The following LRP1B variants were observed in gnomAD, a reference collection of about 807,000 sequenced individuals.
LRP1B encodes the protein LDL receptor related protein 1B.
LRP1B carries 217 observed loss-of-function variants against 556.6 expected under a neutral mutation model. The observed-to-expected ratio is 0.39, with a 90% confidence interval of 0.35 to 0.44. LRP1B has a LOEUF of 0.44. Among genes scored for constraint, LRP1B ranks in the 20% least tolerant of loss-of-function variants. LRP1B has a pLI of 1.00. For synonymous variants in LRP1B, 2,047 were observed against 1,865.8 expected (o/e 1.10, Z -2.50); for missense variants, 5,053 against 5,620.8 (o/e 0.90, Z 3.23).
At chr2:141,088,252 A>C (rs1448668321) in intron 7 of LRP1B, among the ~76,000 whole-genome samples, 2 of 152,154 alleles carry the variant, frequency 1.3e-5, no homozygotes, top group Non-Finnish European at 2.9e-5. Context: ...ATTTCTTAGA[A>C]ATTTATTGAA....
chr2:140,422,798 G>A (rs969504401), intron 66 of LRP1B, among the ~76,000 whole-genome samples: 13 of 152,036 alleles, frequency 8.6e-5, no homozygotes, highest in African/African-American at 2.2e-4. Flanking sequence ...ACTTTAACCC[G>A]ATGACCTCCA....
intron 9 of LRP1B, among the ~76,000 whole-genome samples, chr2:141,056,936 T>A (rs2105459153): frequency 6.6e-6 from 1 of 152,040 alleles, no homozygotes. Context: ...TTTCCCCATC[T>A]AAAAAGTAAC....
rs889826856 is a variant in LRP1B at position 141,022,256 on chromosome 2, T to A, written c.1790-2154A>T. Among the ~76,000 whole-genome samples, 23 of 151,514 alleles carry A rather than the reference T, an allele frequency of 1.5e-4. No homozygotes were observed. The East Asian group carries it at 2.7e-3, about 18-fold the overall frequency. ...ACAGTAATAAAGGAATTAGCCTAGATTATTTTTTAAGGTTGTTTTCTGTTT... is the reference window on the plus strand; with the variant it reads ...ACAGTAATAAAGGAATTAGCCTAGAATATTTTTTAAGGTTGTTTTCTGTTT... On this transcript the variant is annotated intron_variant, in intron 11 of 90. Transcript: ENST00000389484.
intron 77 of LRP1B, 55 bp from the exon 78 acceptor site, chr2:140,335,893 T>C: frequency 9.0e-7 from 1 of 1,112,438 alleles, no homozygotes; most frequent in Non-Finnish European, 1.4e-6. Flanking sequence ...ATTAGCGGAG[T>C]TTTCTGTATC....
intron 7 of LRP1B, among the ~76,000 whole-genome samples, chr2:141,117,386 C>T (rs555468801): frequency 1.7e-4 from 26 of 151,512 alleles, no homozygotes; most frequent in African/African-American, 5.8e-4. Context: ...TTTAAACATG[C>T]TTTTAAATCA....
chr2:140,358,080 T>C lies in LRP1B; in HGVS notation c.11294A>G (p.Asp3765Gly). Residue 3765 changes from aspartate to glycine, a missense_variant, in exon 74 of 91, where the codon GAT (aspartate) becomes GGT (glycine). Physicochemically the swap from Asp to Gly is moderately conservative, Grantham distance 94 (BLOSUM62 -1). Transcript: ENST00000389484. ...LTYKARPCKKDEFACSNKKCI... is the reference protein window; with the variant it reads ...LTYKARPCKKGEFACSNKKCI... ...TTTTTTATTACTACAAGCAAACTCA[T>C]CCTTTTTACAAGGCCTTGCTTTATA... 4 of 1,611,366 alleles carry C rather than the reference T, an allele frequency of 2.5e-6. No homozygotes were observed. The highest frequency in any genetic ancestry group is 3.4e-6 in the Non-Finnish European group (4 of 1,178,228).
At chr2:140,320,781 G>GCCTGAA (rs1573785137) in intron 82 of LRP1B, among the ~76,000 whole-genome samples, 1 of 152,018 alleles carries the variant, frequency 6.6e-6, no homozygotes, top group East Asian at 1.9e-4. Context: ...GGGGGTTCAT[G>GCCTGAA]CCTGTAATCC....
chr2:142,031,253 T>A (rs1019637427), intron 1 of LRP1B, among the ~76,000 whole-genome samples: 22 of 151,538 alleles, frequency 1.5e-4, no homozygotes, highest in African/African-American at 5.1e-4. Context: ...ATTGGAATAG[T>A]TTGGATTCTC....
chr2:140,713,700 T>A (rs888368027), intron 37 of LRP1B, among the ~76,000 whole-genome samples: 5 of 152,108 alleles, frequency 3.3e-5, no homozygotes, highest in African/African-American at 1.2e-4. Flanking sequence ...TCCAGACACA[T>A]CACCTACTCT....
rs934345057 is a variant in LRP1B, at chr2:140,350,297, C to T, written c.11892+500G>A. Among the ~76,000 whole-genome samples the T allele has an allele frequency of 2.0e-5, 3 of 151,940 alleles. No homozygotes were observed. In the East Asian group the frequency reaches 5.8e-4, roughly 29 times the overall value. ...CAGCATACACAAGTGCACAATATTTCTGTTTTGGATATTTCCTGAAATATA... is the reference window on the plus strand; with the variant it reads ...CAGCATACACAAGTGCACAATATTTTTGTTTTGGATATTTCCTGAAATATA... On this transcript the variant is annotated intron_variant, in intron 77 of 90. Transcript: ENST00000389484.
intron 66 of LRP1B, among the ~76,000 whole-genome samples, chr2:140,423,194 G>A (rs1401205783): frequency 6.6e-6 from 1 of 152,140 alleles, no homozygotes; most frequent in Non-Finnish European, 1.5e-5. Flanking sequence ...TGTAATTGCT[G>A]TGGGTTTAAT....
chr2:140,481,915 T>G (rs1360129298), intron 59 of LRP1B, among the ~76,000 whole-genome samples: 1 of 152,142 alleles, frequency 6.6e-6, no homozygotes, highest in Non-Finnish European at 1.5e-5. Flanking sequence ...TGTCTGTTCT[T>G]TCCTAGAGAG....
rs376737501 is a variant in LRP1B, at chr2:141,254,659, A to G, written c.344-18T>C. The G allele has an allele frequency of 2.5e-5, 40 of 1,574,072 alleles. No homozygotes were observed. In the African/African-American group the frequency reaches 4.6e-4, roughly 18 times the overall value. On this transcript the variant is annotated intron_variant, in intron 3 of 90. Transcript: ENST00000389484. The stretch of plus-strand genomic sequence containing the variant: ...TAACAGTTCTGTAGAGAAAAAACAA[A>G]TATATTCTCTATATTTAACTGTATA...
chr2:141,317,850 G>T (rs559139730), intron 3 of LRP1B, among the ~76,000 whole-genome samples: 5 of 152,216 alleles, frequency 3.3e-5, no homozygotes, highest in Non-Finnish European at 7.3e-5. Flanking sequence ...GTAGATGATA[G>T]TTGCAAAATT....
chr2:140,444,484 G>A (rs1017938230), intron 64 of LRP1B, 35 bp from the exon 65 acceptor site: 1 of 1,613,382 alleles, frequency 6.2e-7, no homozygotes, highest in African/African-American at 1.3e-5. Context: ...GAGAAAATTT[G>A]TGTCTGAATT....
intron 3 of LRP1B, among the ~76,000 whole-genome samples, chr2:141,339,881 A>T (rs2714227): frequency 0.6 from 91,232 of 151,548 alleles, 28,326 homozygotes; most frequent in African/African-American, 0.68. Context: ...ACTCATCACC[A>T]GATCAGTGAA....
At chr2:141,534,847 AAG>A (rs1400411169) in intron 2 of LRP1B, among the ~76,000 whole-genome samples, 1 of 152,172 alleles carries the variant, frequency 6.6e-6, no homozygotes, top group East Asian at 1.9e-4. Flanking sequence ...GGGGCTGAGA[AAG>A]AAAATCTATG....
chr2:140,335,002 G>T (rs1019781435), intron 78 of LRP1B, among the ~76,000 whole-genome samples: 3 of 151,926 alleles, frequency 2.0e-5, no homozygotes, highest in African/African-American at 7.2e-5. Flanking sequence ...TTGGAAGACT[G>T]CATAATTCTA....
chr2:140,920,816 GC>G (rs1401011614), intron 21 of LRP1B, among the ~76,000 whole-genome samples: 1 of 151,728 alleles, frequency 6.6e-6, no homozygotes, highest in Non-Finnish European at 1.5e-5. Flanking sequence ...TTAATCTTTT[GC>G]TTACCTAAAA....
Sources: gnomAD v4.1 joint callset for allele counts (sites outside exome capture counted in the v4.1 genomes callset) on GRCh38, gnomAD v4.1.1 for gene constraint, MANE v1.5 for transcripts, NCBI Gene and HGNC (gene_info 2026-07-23, HGNC 2026-07-21) for gene names.